MMP15: variants seen among roughly 807,000 people sequenced by gnomAD.
MMP15 encodes matrix metallopeptidase 15.
Under a neutral mutation model 65.0 loss-of-function variants are expected in MMP15, and 36 were observed. The observed-to-expected ratio is 0.55, with a 90% CI of 0.42 to 0.73. The LOEUF (loss-of-function observed/expected upper bound fraction) is 0.73, where lower values mean the gene tolerates loss of function less well. MMP15 is among the 30% of genes least tolerant of loss of function. The probability of loss-of-function intolerance (pLI) is 0.00; values close to 1 mark genes in which losing one functional copy is unlikely to be tolerated. For synonymous variants in MMP15, 428 were observed against 410.2 expected, an observed-to-expected ratio of 1.04 and a Z score of -0.52; for missense variants, 870 against 987.8, an observed-to-expected ratio of 0.88 and a Z score of 1.60.
intron 9 of MMP15, 89 bp from the exon 10 acceptor site, chr16:58,044,918 T>C: frequency 7.0e-7 from 1 of 1,425,742 alleles, no homozygotes. Context: ...GAAGGGTGTT[T>C]TGAAGCCCTC....
chr16:58,037,056 A>G (rs1453894715), intron 1 of MMP15, among the ~76,000 whole-genome samples: 1 of 152,196 alleles, frequency 6.6e-6, no homozygotes, highest in Non-Finnish European at 1.5e-5. Flanking sequence ...TGAGGATGAA[A>G]GCCTCTCAGT....
Position 58,038,306 on chromosome 16 carries a change from G to C in MMP15, c.352G>C (p.Gly118Arg), listed in dbSNP as rs747308827. 3 of 1,613,928 alleles carry C rather than the reference G, an allele frequency of 1.9e-6. No homozygotes were observed. Among genetic ancestry groups the C allele is most frequent in the African/African-American group, 1.3e-5 (1 of 74,920 alleles). ...RPRCGVPDQF[G>R]VRVKANLRRR... Reference sequence around the variant, plus strand: ...CCGCTGTGGGGTGCCAGACCAGTTCGGGGTACGAGTGAAAGCCAACCTGCG... The same window carrying C: ...CCGCTGTGGGGTGCCAGACCAGTTCCGGGTACGAGTGAAAGCCAACCTGCG... Residue 118 changes from glycine to arginine, a missense_variant, in exon 3 of 10, where the codon GGG (glycine) becomes CGG (arginine). Transcript: ENST00000219271.
rs1401551323 is a variant in MMP15 at position 58,037,403 on chromosome 16, G to C, written c.163-69G>C. 4 of 1,564,836 alleles carry C rather than the reference G, an allele frequency of 2.6e-6. No individual in the cohort carries two copies. In the Admixed American group the frequency reaches 7.0e-5, roughly 27 times the overall value. ...GTGGTGGAGGTGGTGGGAAGTGGTC[G>C]GCACAGGCTGTGCATGTTTGGAGGT... On this transcript the variant is annotated intron_variant, in intron 1 of 9. Coordinates refer to ENST00000219271, the MANE Select transcript of MMP15 (RefSeq NM_002428.4).
chr16:58,027,641 C>T (rs1597060831), intron 1 of MMP15, among the ~76,000 whole-genome samples: 1 of 152,268 alleles, frequency 6.6e-6, no homozygotes, highest in Non-Finnish European at 1.5e-5. Flanking sequence ...CTCCGGGCTG[C>T]CTGGGAGATT....
chr16:58,045,190 C>A lies in MMP15; in HGVS notation c.1754C>A (p.Pro585His). 1 of 1,592,222 alleles carries A rather than the reference C, an allele frequency of 6.3e-7. No homozygotes were observed. Among genetic ancestry groups the A allele is most frequent in the Non-Finnish European group, 8.5e-7 (1 of 1,170,098 alleles). The change falls in exon 10 of 10, where the codon CCC becomes CAC. Residue 585 changes from proline to histidine, a missense_variant. Coordinates refer to ENST00000219271, the MANE Select transcript of MMP15 (RefSeq NM_002428.4). Reference sequence around the variant, plus strand: ...TTCAACCCCCACGGGGGTGCAGAGCCCGGGGCGGACAGCGCAGAGGGCGAC... The same window carrying A: ...TTCAACCCCCACGGGGGTGCAGAGCACGGGGCGGACAGCGCAGAGGGCGAC... ...PPFNPHGGAE[P>H]GADSAEGDVG...
chr16:58,042,480 G>A, intron 7 of MMP15, 111 bp downstream of exon 7: 1 of 1,437,752 alleles, frequency 7.0e-7, no homozygotes, highest in Non-Finnish European at 9.5e-7. Flanking sequence ...CTGGTCCTGT[G>A]CCCCCACTGT....
At chr16:58,037,756 C>T (rs1959365341) in intron 2 of MMP15, 136 bp downstream of exon 2, 1 of 1,295,310 alleles carries the variant, frequency 7.7e-7, no homozygotes, top group Non-Finnish European at 1.1e-6. Flanking sequence ...TCCTCCATGT[C>T]ACTTCTGATT....
intron 1 of MMP15, among the ~76,000 whole-genome samples, chr16:58,030,790 C>G (rs1182176271): frequency 2.0e-5 from 3 of 152,144 alleles, no homozygotes; most frequent in Admixed American, 6.5e-5. Flanking sequence ...CAAAATAGTG[C>G]AAAACAGTGA....
chr16:58,043,394 G>T (rs934731894), intron 8 of MMP15, 34 bp downstream of exon 8: 3 of 1,594,902 alleles, frequency 1.9e-6, no homozygotes, highest in Non-Finnish European at 2.6e-6. Flanking sequence ...AGGGGAGAAG[G>T]CCCCATCTAG....
chr16:58,044,955 C>T, intron 9 of MMP15, 52 bp from the exon 10 acceptor site: 1 of 1,597,010 alleles, frequency 6.3e-7, no homozygotes, highest in Non-Finnish European at 8.6e-7. Context: ...TGATGGTTCT[C>T]ACTGGTGGTT....
chr16:58,031,164 C>T (rs1176716505), intron 1 of MMP15, among the ~76,000 whole-genome samples: 1 of 152,152 alleles, frequency 6.6e-6, no homozygotes, highest in Admixed American at 6.5e-5. Context: ...CCCCGCATTC[C>T]ATAGCCAGGG....
chr16:58,029,525 C>G (rs1963867961), intron 1 of MMP15, among the ~76,000 whole-genome samples: 1 of 152,236 alleles, frequency 6.6e-6, no homozygotes, highest in African/African-American at 2.4e-5. Flanking sequence ...CCAGAGAGAA[C>G]TGGTCTGATT....
Position 58,040,146 on chromosome 16 carries a change from G to A in MMP15, c.712G>A (p.Asp238Asn). The A allele has an allele frequency of 6.2e-7, 1 of 1,612,864 alleles. No individual in the cohort carries two copies. Among genetic ancestry groups the A allele is most frequent in the Non-Finnish European group, 8.5e-7 (1 of 1,180,018 alleles). Residue 238 changes from aspartate (D) to asparagine (N), a missense_variant, in exon 4 of 10, where the codon GAT (aspartate) becomes AAT (asparagine). Physicochemically the swap from Asp to Asn is conservative, Grantham distance 23 (BLOSUM62 1). Transcript: ENST00000219271. ...GLGGDTHFDA[D>N]EPWTFSSTDL... is the part of the protein sequence containing the mutation. ...AGGCGGGGACACCCATTTTGACGCA[G>A]ATGAGCCCTGGACCTTCTCCAGCAC... is the stretch of plus-strand genomic sequence containing the variant.
In MMP15 at chr16:58,045,379, A is replaced by G. The variant is rs144513455; in HGVS notation, c.1943A>G (p.Gln648Arg). The G allele has an allele frequency of 2.5e-4, 392 of 1,590,060 alleles. 1 individual carries two copies. The highest frequency in any genetic ancestry group is 3.2e-4 in the Non-Finnish European group (373 of 1,170,784). Residue 648 changes from glutamine to arginine, a missense_variant, in exon 10 of 10, where the codon CAG becomes CGG. Coordinates refer to ENST00000219271, the MANE Select transcript of MMP15 (RefSeq NM_002428.4). ...CTGGGCCTCACCTACGCGCTGGTGC[A>G]GATGCAGCGCAAGGGTGCGCCACGT... ...CVLGLTYALV[Q>R]MQRKGAPRVL...
Position 58,038,526 on chromosome 16 carries a change from ACAC to A in MMP15, c.440+133_440+135del, listed in dbSNP as rs200199519. On this transcript the variant is annotated intron_variant, in intron 3 of 9. Coordinates refer to ENST00000219271, the MANE Select transcript of MMP15 (RefSeq NM_002428.4). The stretch of plus-strand genomic sequence containing the variant: ...CTTTCACGCTGATGAGACCAGCCAC[ACAC>A]GCCAGGCAGTCTCCCTCGAGGGAAG... 2,271 of 1,168,724 alleles carry A rather than the reference ACAC, an allele frequency of 1.9e-3. 22 individuals carry two copies. The East Asian group carries it at 0.024, about 13-fold the overall frequency. The allele number at this position is 1,168,724 out of a possible 1,614,324, so 72.4% of individuals were successfully genotyped here.
chr16:58,044,401 C>G (rs974551851), intron 9 of MMP15, among the ~76,000 whole-genome samples: 2 of 152,178 alleles, frequency 1.3e-5, no homozygotes, highest in African/African-American at 4.8e-5. Flanking sequence ...GAGCTGTGAT[C>G]GCGCCACTAT....
chr16:58,041,842 T>C lies in MMP15; in HGVS notation c.1136T>C (p.Met379Thr). Residue 379 changes from methionine to threonine, a missense_variant, in exon 6 of 10, where the codon ATG (methionine) becomes ACG (threonine). Met to Thr is a moderately conservative substitution (Grantham distance 81). Transcript: ENST00000219271. ...ICDGDFDTVAMLRGEMFVFKG... is the reference protein window; with the variant it reads ...ICDGDFDTVATLRGEMFVFKG... The stretch of plus-strand genomic sequence containing the variant: ...GACGGGGACTTTGACACAGTGGCCA[T>C]GCTTCGCGGGGAGATGTTCGTGTTC... 10 of 1,604,074 alleles carry C rather than the reference T, an allele frequency of 6.2e-6. No individual in the cohort carries two copies. The highest frequency in any genetic ancestry group is 8.5e-6 in the Non-Finnish European group (10 of 1,175,922).
chr16:58,026,384 G>T lies in MMP15; in HGVS notation c.34G>T (p.Gly12Cys). The T allele has an allele frequency of 7.2e-7, 1 of 1,393,914 alleles. No homozygotes were observed. The allele number at this position is 1,393,914 out of a possible 1,614,324, so 86.3% of individuals were successfully genotyped here. A position where few individuals can be genotyped will look rare whatever the true frequency, so the allele number is the denominator to read the frequency against. ...GSDPSAPGRP[G>C]WTGSLLGDRE... is the part of the protein sequence containing the mutation. ...CGACCCGAGCGCGCCCGGACGGCCG[G>T]GCTGGACGGGCAGCCTCCTCGGCGA... is the stretch of plus-strand genomic sequence containing the variant. Residue 12 changes from glycine to cysteine, a missense_variant, in exon 1 of 10, where the codon GGC becomes TGC. Transcript: ENST00000219271.
rs3784904 is a variant in MMP15 at position 58,029,914 on chromosome 16, C to T, written c.162+3402C>T. Among the ~76,000 whole-genome samples the T allele has an allele frequency of 9.3e-3, 1,411 of 152,208 alleles. 20 individuals carry two copies. The highest frequency in any genetic ancestry group is 0.026 in the African/African-American group (1,091 of 41,532). On this transcript the variant is annotated intron_variant, in intron 1 of 9. Coordinates refer to ENST00000219271, the MANE Select transcript of MMP15 (RefSeq NM_002428.4). ...CAGGCGTGGAAAAGCCCCTCCCTGC[C>T]GAGCGGTTTGTTCTGCTGTCCCTCT...
Sources: gnomAD v4.1 joint callset for allele counts (sites outside exome capture counted in the v4.1 genomes callset) on GRCh38, gnomAD v4.1.1 for gene constraint, MANE v1.5 for transcripts, NCBI Gene and HGNC (gene_info 2026-07-23, HGNC 2026-07-21) for gene names.